Variants in VAV3 observed in about 807,000 individuals in gnomAD.
The protein encoded by VAV3 is guanine nucleotide exchange factor VAV3.
VAV3 carries 94 observed loss-of-function variants against 131.2 expected under a neutral mutation model. That is an observed-to-expected ratio of 0.72 (90% CI 0.61 to 0.85). The LOEUF (loss-of-function observed/expected upper bound fraction) is 0.85. Ranked by LOEUF, VAV3 falls within the 40% of genes least tolerant of loss-of-function variation. The probability of loss-of-function intolerance (pLI) is 0.00; values close to 1 mark genes in which losing one functional copy is unlikely to be tolerated. For synonymous variants in VAV3, 349 were observed against 342.0 expected (o/e 1.02, Z -0.22); for missense variants, 939 against 1,002.7 (o/e 0.94, Z 0.86).
chr1:107,761,250 G>A (rs112536614), intron 9 of VAV3, among the ~76,000 whole-genome samples: 12,578 of 151,836 alleles, frequency 0.083, 683 homozygotes, highest in African/African-American at 0.16. Flanking sequence ...AAAATTAGCC[G>A]GTCATGGTGG....
chr1:107,730,072 T>A (rs1203894198), intron 15 of VAV3, among the ~76,000 whole-genome samples: 2 of 152,182 alleles, frequency 1.3e-5, no homozygotes, highest in South Asian at 4.1e-4. Context: ...AACTTCAGTG[T>A]TTTCTTAGAG....
chr1:107,818,835 CT>C (rs999613067), intron 2 of VAV3, among the ~76,000 whole-genome samples: 3 of 152,194 alleles, frequency 2.0e-5, no homozygotes, highest in Non-Finnish European at 4.4e-5. Flanking sequence ...CAGCCCTCCC[CT>C]CTCGACATGC....
chr1:107,675,981 G>C (rs1160558976), intron 19 of VAV3, among the ~76,000 whole-genome samples: 2 of 152,154 alleles, frequency 1.3e-5, no homozygotes, highest in African/African-American at 4.8e-5. Flanking sequence ...TTGGATACCA[G>C]AGAACTATCA....
chr1:107,737,086 C>G (rs1271304675), intron 15 of VAV3, among the ~76,000 whole-genome samples: 2 of 152,006 alleles, frequency 1.3e-5, no homozygotes, highest in Non-Finnish European at 2.9e-5. Context: ...ACAATCCTGA[C>G]AAAAAGAAGA....
chr1:107,909,025 G>T (rs1276917250), intron 1 of VAV3, among the ~76,000 whole-genome samples: 1 of 152,044 alleles, frequency 6.6e-6, no homozygotes, highest in Non-Finnish European at 1.5e-5. Context: ...AAAGACATGA[G>T]GGAAAAGTTT....
chr1:107,846,835 A>G (rs1668991938), intron 2 of VAV3, among the ~76,000 whole-genome samples: 1 of 152,094 alleles, frequency 6.6e-6, no homozygotes, highest in Non-Finnish European at 1.5e-5. Flanking sequence ...AGACTTTAAC[A>G]CCCCACTGTC....
At chr1:107,831,381 A>G (rs185128903) in intron 2 of VAV3, among the ~76,000 whole-genome samples, 12 of 152,332 alleles carry the variant, frequency 7.9e-5, no homozygotes, top group Non-Finnish European at 1.3e-4. Context: ...GGCTATCAAA[A>G]TTGACAGGGA....
In VAV3 at chr1:107,760,838, T is replaced by C. The variant is rs762191940; in HGVS notation, c.963A>G (p.Arg321=). 6.2e-7 allele frequency: 1 copy of C among 1,613,814 alleles called. No individual in the cohort carries two copies. The highest frequency in any genetic ancestry group is 2.2e-5 in the East Asian group (1 of 44,844). The change falls in exon 10 of 27, where the codon CGA becomes CGG. Residue 321 remains arginine (R), a synonymous_variant. Transcript: ENST00000370056. ...KRANNGKFTL[R]DLLVVPMQRV... is the part of the protein sequence containing the mutation. ...GTTGCATAGGAACCACAAGCAAGTC[T>C]CGAAGAGTAAATTTCCCATTATTTG... is the stretch of plus-strand genomic sequence containing the variant.
chr1:107,718,815 G>T (rs982866467), intron 15 of VAV3, among the ~76,000 whole-genome samples: 4 of 152,062 alleles, frequency 2.6e-5, no homozygotes, highest in African/African-American at 9.7e-5. Flanking sequence ...TATACTACAA[G>T]ACCACAGTAA....
At chr1:107,887,423 C>G (rs923255370) in intron 1 of VAV3, among the ~76,000 whole-genome samples, 1 of 152,174 alleles carries the variant, frequency 6.6e-6, no homozygotes, top group Admixed American at 6.5e-5. Context: ...TCAAATATCA[C>G]AAGAATTATT....
chr1:107,731,499 G>A (rs528125249), intron 15 of VAV3, among the ~76,000 whole-genome samples: 15 of 152,318 alleles, frequency 9.8e-5, no homozygotes, highest in Non-Finnish European at 1.6e-4. Context: ...AGGTAAGGAA[G>A]AGTTAGATAG....
At chr1:107,757,117 G>GTA (rs201411038) in intron 11 of VAV3, 144 bp downstream of exon 11, 140 of 517,698 alleles carry the variant, frequency 2.7e-4, no homozygotes, top group African/African-American at 9.1e-4. Context: ...TTATTTATGT[G>GTA]TATATATATA....
chr1:107,769,117 T>C (rs545174952), intron 6 of VAV3, among the ~76,000 whole-genome samples: 34 of 152,280 alleles, frequency 2.2e-4, no homozygotes, highest in Non-Finnish European at 3.8e-4. Flanking sequence ...ATATGCTTCA[T>C]AGCACTAATT....
At chr1:107,951,157 T>C (rs986284185) in intron 1 of VAV3, among the ~76,000 whole-genome samples, 1 of 152,196 alleles carries the variant, frequency 6.6e-6, no homozygotes, top group Non-Finnish European at 1.5e-5. Context: ...GATCTCAATG[T>C]CTTTGCACAT....
At chr1:107,603,768 G>A (rs1484073450) in intron 22 of VAV3, among the ~76,000 whole-genome samples, 1 of 151,278 alleles carries the variant, frequency 6.6e-6, no homozygotes, top group African/African-American at 2.4e-5. Context: ...CTAAATACAG[G>A]CAAGCCCAAA....
intron 2 of VAV3, among the ~76,000 whole-genome samples, chr1:107,828,088 G>C (rs1218339836): frequency 6.6e-6 from 1 of 152,156 alleles, no homozygotes; most frequent in Non-Finnish European, 1.5e-5. Context: ...GACAGTTTTG[G>C]TGAGTGAATT....
intron 1 of VAV3, 143 bp downstream of exon 1, chr1:107,964,523 G>T: frequency 3.4e-6 from 3 of 877,960 alleles, no homozygotes; most frequent in Non-Finnish European, 5.1e-6. Context: ...CGCCAAAGTG[G>T]TGCCGAAGTG....
intron 1 of VAV3, among the ~76,000 whole-genome samples, chr1:107,942,172 C>A (rs1047021768): frequency 4.6e-5 from 7 of 152,196 alleles, no homozygotes; most frequent in Non-Finnish European, 8.8e-5. Context: ...CCTGCAAATG[C>A]AACTTTTCTG....
At chr1:107,720,649 G>C (rs2101918321) in intron 15 of VAV3, among the ~76,000 whole-genome samples, 1 of 152,244 alleles carries the variant, frequency 6.6e-6, no homozygotes, top group African/African-American at 2.4e-5. Flanking sequence ...TTGCACTCCA[G>C]CCTGCACAAC....
Sources: allele counts gnomAD v4.1 joint callset (sites outside exome capture counted in the v4.1 genomes callset), GRCh38; gene constraint gnomAD v4.1.1; transcripts MANE v1.5; gene names NCBI Gene and HGNC (gene_info 2026-07-23, HGNC 2026-07-21).